Variants in THRB observed in about 807,000 individuals in gnomAD.
The protein encoded by THRB is nuclear receptor subfamily 1 group A member 2.
Under a neutral mutation model 47.8 loss-of-function variants are expected in THRB, and 12 were observed. That is an observed-to-expected ratio of 0.25 (90% CI 0.16 to 0.41). THRB has a LOEUF of 0.41. THRB is among the 10% of genes least tolerant of loss of function. THRB has a pLI of 1.00. For synonymous variants in THRB, 218 were observed against 212.2 expected (o/e 1.03, Z -0.24); for missense variants, 348 against 589.2 (o/e 0.59, Z 4.24).
intron 1 of THRB, among the ~76,000 whole-genome samples, chr3:24,372,439 T>C (rs775051699): frequency 3.3e-5 from 5 of 152,090 alleles, no homozygotes; most frequent in Non-Finnish European, 7.4e-5. Flanking sequence ...AGAGGATGCC[T>C]TACGTGTATA....
chr3:24,315,289 C>T lies in THRB; in HGVS notation c.-188-17918G>A, dbSNP rs139053623. ...CTGGGCTTTTAGGACCTGCCGACATCGCTACATCCTCAGCATGAGCTTCTC... is the reference window on the plus strand; with the variant it reads ...CTGGGCTTTTAGGACCTGCCGACATTGCTACATCCTCAGCATGAGCTTCTC... On this transcript the variant is annotated intron_variant, in intron 2 of 10. Coordinates refer to ENST00000646209, the MANE Select transcript of THRB (RefSeq NM_001354712.2). Among the ~76,000 whole-genome samples the T allele has an allele frequency of 1.1e-4, 16 of 152,332 alleles. No individual in the cohort carries two copies. In the East Asian group the frequency reaches 2.5e-3, roughly 24 times the overall value.
At chr3:24,234,363 A>T (rs1490488222) in intron 3 of THRB, among the ~76,000 whole-genome samples, 1 of 152,212 alleles carries the variant, frequency 6.6e-6, no homozygotes, top group African/African-American at 2.4e-5. Flanking sequence ...TGGAAAAGAT[A>T]TAAGTTGATG....
intron 3 of THRB, among the ~76,000 whole-genome samples, chr3:24,261,293 G>C (rs1374707091): frequency 1.3e-5 from 2 of 152,030 alleles, no homozygotes; most frequent in Non-Finnish European, 2.9e-5. Context: ...ACGAGGGCAA[G>C]AGATCGAGAC....
intron 1 of THRB, among the ~76,000 whole-genome samples, chr3:24,353,621 G>A (rs938160689): frequency 6.6e-6 from 1 of 151,168 alleles, no homozygotes; most frequent in Non-Finnish European, 1.5e-5. Context: ...CCAGGTGCAG[G>A]AAGGAAAAAG....
chr3:24,338,527 T>C (rs1373361283), intron 1 of THRB, among the ~76,000 whole-genome samples: 13 of 152,226 alleles, frequency 8.5e-5, no homozygotes, highest in Non-Finnish European at 1.9e-4. Flanking sequence ...CCACATTGAG[T>C]AAATACATAC....
chr3:24,143,985 A>G (rs2035780493), intron 7 of THRB: 1 of 497,502 alleles, frequency 2.0e-6, no homozygotes, highest in Admixed American at 3.2e-5. Context: ...AACTCCACAG[A>G]AGGTGGTTCT....
At chr3:24,445,748 T>G (rs1231344676) in intron 1 of THRB, among the ~76,000 whole-genome samples, 1 of 152,120 alleles carries the variant, frequency 6.6e-6, no homozygotes, top group Non-Finnish European at 1.5e-5. Context: ...TTGCCTCTCC[T>G]AGGAACTGTC....
chr3:24,237,945 GA>G (rs2049037290), intron 3 of THRB: 1 of 152,102 alleles, frequency 6.6e-6, no homozygotes, highest in African/African-American at 2.4e-5. Flanking sequence ...GGTAGTGATA[GA>G]AAAGTAAAGA....
intron 3 of THRB, among the ~76,000 whole-genome samples, chr3:24,241,777 A>G (rs897682028): frequency 6.6e-6 from 1 of 152,162 alleles, no homozygotes; most frequent in Non-Finnish European, 1.5e-5. Flanking sequence ...ACTTGGGAAC[A>G]AGATGGCAAT....
At chr3:24,251,378 G>GA (rs1417348089) in intron 3 of THRB, among the ~76,000 whole-genome samples, 1 of 152,054 alleles carries the variant, frequency 6.6e-6, no homozygotes, top group Non-Finnish European at 1.5e-5. Context: ...GGTCTCATGT[G>GA]TAAAGATATC....
At chr3:24,488,177 C>T (rs948585192) in intron 1 of THRB, among the ~76,000 whole-genome samples, 3 of 152,196 alleles carry the variant, frequency 2.0e-5, no homozygotes, top group African/African-American at 7.2e-5. Flanking sequence ...CCTTTGTCCA[C>T]ACTTTTGTTT....
At chr3:24,309,180 T>A (rs953450228) in intron 2 of THRB, among the ~76,000 whole-genome samples, 3 of 152,226 alleles carry the variant, frequency 2.0e-5, no homozygotes, top group Non-Finnish European at 2.9e-5. Flanking sequence ...TTTTTGTATA[T>A]GTATTATGAT....
rs192624871 is a variant in THRB, at chr3:24,477,679, G to C, written c.-261+16973C>G. ...CTACTTTGTAGCTAACGCTGCCAAA[G>C]CAAGGGTCCTAACGCAGGATACGTA... On this transcript the variant is annotated intron_variant, in intron 1 of 10. Transcript: ENST00000646209. Among the ~76,000 whole-genome samples, 16 of 152,106 alleles carry C rather than the reference G, an allele frequency of 1.1e-4. No homozygotes were observed. The East Asian group carries it at 2.7e-3, about 26-fold the overall frequency.
chr3:24,387,982 G>C (rs2066267722), intron 1 of THRB, among the ~76,000 whole-genome samples: 1 of 151,990 alleles, frequency 6.6e-6, no homozygotes, highest in South Asian at 2.1e-4. Context: ...TTGTGTTCAG[G>C]GGCAACACAG....
intron 2 of THRB, among the ~76,000 whole-genome samples, chr3:24,324,663 A>T (rs1382915605): frequency 1.3e-5 from 2 of 152,222 alleles, no homozygotes; most frequent in African/African-American, 2.4e-5. Flanking sequence ...TTAACAACAT[A>T]TTAAATAAAA....
At chr3:24,253,181 TAAA>T (rs777338918) in intron 3 of THRB, among the ~76,000 whole-genome samples, 187 of 152,248 alleles carry the variant, frequency 1.2e-3, no homozygotes, top group Non-Finnish European at 1.4e-3. Flanking sequence ...AGGCATAAAA[TAAA>T]TAATATAAAA....
In THRB at chr3:24,191,769, T is replaced by G. The variant is rs189790979; in HGVS notation, c.23-1435A>C. On this transcript the variant is annotated intron_variant, in intron 4 of 10. Coordinates refer to ENST00000646209, the MANE Select transcript of THRB (RefSeq NM_001354712.2). ...TACTATGAGAAAATGCCAATGCCCA[T>G]GCACATTGTATTTCTACTCCAGGAG... 1.3e-3 allele frequency among the ~76,000 whole-genome samples: 198 copies of G among 152,344 alleles called. 1 individual carries two copies. The highest frequency in any genetic ancestry group is 4.5e-3 in the African/African-American group (188 of 41,582).
intron 2 of THRB, among the ~76,000 whole-genome samples, chr3:24,301,639 A>C (rs1409744124): frequency 2.6e-5 from 4 of 152,316 alleles, no homozygotes; most frequent in African/African-American, 9.6e-5. Context: ...TTGGGGTATA[A>C]AATTATTCTC....
At chr3:24,221,669 C>G (rs993130958) in intron 4 of THRB, among the ~76,000 whole-genome samples, 1 of 152,130 alleles carries the variant, frequency 6.6e-6, no homozygotes, top group Non-Finnish European at 1.5e-5. Flanking sequence ...CACTCTTCTG[C>G]TCCCACCTTC....
Sources: allele counts gnomAD v4.1 joint callset (sites outside exome capture counted in the v4.1 genomes callset), GRCh38; gene constraint gnomAD v4.1.1; transcripts MANE v1.5; gene names NCBI Gene and HGNC (gene_info 2026-07-23, HGNC 2026-07-21).